The following FAM81A variants were observed in gnomAD, a reference collection of about 807,000 sequenced individuals.
The protein encoded by FAM81A is family with sequence similarity 81 member A.
A neutral mutation model predicts 46.7 loss-of-function variants in FAM81A; 19 were observed. The observed-to-expected ratio is 0.41, with a 90% CI of 0.28 to 0.60. FAM81A has a LOEUF of 0.60. Among genes scored for constraint, FAM81A ranks in the 20% least tolerant of loss-of-function variants. FAM81A has a pLI of 0.34. For synonymous variants in FAM81A, 183 were observed against 152.9 expected, an observed-to-expected ratio of 1.20 and a Z score of -1.45; for missense variants, 377 against 453.5, an observed-to-expected ratio of 0.83 and a Z score of 1.53.
At chr15:59,494,989 C>T (rs2082019003) in intron 4 of FAM81A, among the ~76,000 whole-genome samples, 1 of 152,112 alleles carries the variant, frequency 6.6e-6, no homozygotes, top group Non-Finnish European at 1.5e-5. Flanking sequence ...GACCTGAAGG[C>T]CCGATACATA....
chr15:59,445,903 C>T (rs1296967557), intron 1 of FAM81A, among the ~76,000 whole-genome samples: 1 of 152,172 alleles, frequency 6.6e-6, no homozygotes, highest in Non-Finnish European at 1.5e-5. Flanking sequence ...CATAATAAAA[C>T]ACCCTAAAAG....
At chr15:59,422,059 A>G (rs1459428790) in intron 2 of FAM81A, among the ~76,000 whole-genome samples, 2 of 152,068 alleles carry the variant, frequency 1.3e-5, no homozygotes, top group African/African-American at 4.8e-5. Flanking sequence ...ATTGAGGTGA[A>G]ATTTCACATA....
At chr15:59,428,413 A>ATATTATTATTAT (rs143696862) in intron 2 of FAM81A, among the ~76,000 whole-genome samples, 4 of 140,720 alleles carry the variant, frequency 2.8e-5, no homozygotes, top group African/African-American at 1.1e-4. Flanking sequence ...ATTCTTTTTG[A>ATATTATTATTAT]TATTATTATT....
In FAM81A at chr15:59,514,755, C is replaced by A. The variant is rs575499986; in HGVS notation, c.786+331C>A. Among the ~76,000 whole-genome samples the A allele has an allele frequency of 2.6e-5, 4 of 152,268 alleles. No individual in the cohort carries two copies. The East Asian group carries it at 7.7e-4, about 29-fold the overall frequency. ...ACTTCATTCTTGTTTGTTTTAATTT[C>A]TTGATCTGGGTTTGCTTTTTTGCCT... is the stretch of plus-strand genomic sequence containing the variant. On this transcript the variant is annotated intron_variant, in intron 7 of 8. Transcript: ENST00000288228.
At chr15:59,405,346 C>T (rs1208339592) in intron 2 of FAM81A, among the ~76,000 whole-genome samples, 1 of 151,968 alleles carries the variant, frequency 6.6e-6, no homozygotes, top group Non-Finnish European at 1.5e-5. Context: ...ATGCCTCTTT[C>T]CGCTAAGAAT....
rs951738378 is a variant in FAM81A at position 59,460,729 on chromosome 15, T to C, written c.294+523T>C. 4.1e-5 allele frequency: 8 copies of C among 194,810 alleles called. No individual in the cohort carries two copies. The highest frequency in any genetic ancestry group is 1.3e-4 in the East Asian group (1 of 7,532). The allele number at this position is 194,810 out of a possible 1,614,324, so 12.1% of individuals were successfully genotyped here. A position where few individuals can be genotyped will look rare whatever the true frequency, so the allele number is the denominator to read the frequency against. On this transcript the variant is annotated intron_variant, in intron 3 of 8. Coordinates refer to ENST00000288228, the MANE Select transcript of FAM81A (RefSeq NM_152450.3). The surrounding 1 kb of genome is among the most constrained non-coding windows in gnomAD (Gnocchi z 4.4). ...ACCAATAAAAGGCCAATATTGTCTATTTTTAGAATTGGTAGATTTACTGCT... is the reference window on the plus strand; with the variant it reads ...ACCAATAAAAGGCCAATATTGTCTACTTTTAGAATTGGTAGATTTACTGCT...
chr15:59,401,559 T>G (rs1307767563), intron 1 of FAM81A: 6 of 774,632 alleles, frequency 7.7e-6, no homozygotes, highest in Non-Finnish European at 1.2e-5. Flanking sequence ...GTAACCACCC[T>G]CTTCCATGCC....
chr15:59,401,426 A>G, intron 1 of FAM81A: 1 of 804,594 alleles, frequency 1.2e-6, no homozygotes, highest in Non-Finnish European at 2.3e-6. Context: ...TGGTAGGCAA[A>G]AGGTGACTTT....
intron 1 of FAM81A, among the ~76,000 whole-genome samples, chr15:59,440,894 C>T (rs1426321785): frequency 2.0e-5 from 3 of 152,122 alleles, no homozygotes; most frequent in Non-Finnish European, 2.9e-5. Context: ...CCCCCGCTTG[C>T]CTGCTTATTC....
intron 7 of FAM81A, among the ~76,000 whole-genome samples, chr15:59,516,211 C>T (rs1175766915): frequency 6.0e-5 from 9 of 150,846 alleles, no homozygotes; most frequent in South Asian, 2.1e-4. Flanking sequence ...ACTGCAACCT[C>T]GCCTCCCCTG....
intron 1 of FAM81A, among the ~76,000 whole-genome samples, chr15:59,457,199 A>G (rs1415496484): frequency 6.6e-6 from 1 of 152,220 alleles, no homozygotes; most frequent in East Asian, 1.9e-4. Flanking sequence ...TAAACAATTC[A>G]TAAGTTTTAA....
At chr15:59,506,972 C>T (rs960906814) in intron 4 of FAM81A, among the ~76,000 whole-genome samples, 13 of 152,138 alleles carry the variant, frequency 8.5e-5, no homozygotes, top group African/African-American at 3.1e-4. Flanking sequence ...TACTCATGAT[C>T]GTTGGAAAGA....
chr15:59,486,920 T>C (rs2081923450), intron 3 of FAM81A, among the ~76,000 whole-genome samples: 1 of 152,002 alleles, frequency 6.6e-6, no homozygotes, highest in African/African-American at 2.4e-5. Flanking sequence ...AGAATGTTAA[T>C]GAGCAATAAG....
At chr15:59,433,736 G>A (rs572046391), upstream of FAM81A, among the ~76,000 whole-genome samples, 1 of 152,334 alleles carries the variant, frequency 6.6e-6, no homozygotes, top group African/African-American at 2.4e-5. Flanking sequence ...GACGTATTGT[G>A]TTAATTGGTT....
chr15:59,415,008 G>C (rs1384949052), intron 2 of FAM81A, among the ~76,000 whole-genome samples: 2 of 151,720 alleles, frequency 1.3e-5, no homozygotes, highest in Non-Finnish European at 2.9e-5. Flanking sequence ...AGTAGAGATG[G>C]GTTTTCACTG....
chr15:59,485,560 C>T (rs1045100207), intron 3 of FAM81A, among the ~76,000 whole-genome samples: 1 of 152,216 alleles, frequency 6.6e-6, no homozygotes, highest in Non-Finnish European at 1.5e-5. Context: ...TGTTATTGGG[C>T]TTGGGGTACC....
intron 2 of FAM81A, among the ~76,000 whole-genome samples, chr15:59,409,575 G>T (rs1165356661): frequency 6.6e-5 from 10 of 152,062 alleles, no homozygotes; most frequent in Non-Finnish European, 1.5e-4. Context: ...TTTCCCCACA[G>T]ATCACTCACC....
At chr15:59,512,643 A>T (rs2141832245) in intron 6 of FAM81A, among the ~76,000 whole-genome samples, 1 of 152,248 alleles carries the variant, frequency 6.6e-6, no homozygotes, top group South Asian at 2.1e-4. Flanking sequence ...GCAGTGTTCC[A>T]TGTCTTACCT....
At chr15:59,495,250 G>GATTTCCCT (rs2082021764) in intron 4 of FAM81A, among the ~76,000 whole-genome samples, 1 of 152,130 alleles carries the variant, frequency 6.6e-6, no homozygotes, top group Admixed American at 6.5e-5. Flanking sequence ...CTGTCTGATG[G>GATTTCCCT]ATTTCCCTCT....
Sources: gnomAD v4.1 joint callset for allele counts (sites outside exome capture counted in the v4.1 genomes callset) on GRCh38, gnomAD v4.1.1 for gene constraint, Gnocchi (gnomAD v3.1) non-coding constraint, MANE v1.5 for transcripts, NCBI Gene and HGNC (gene_info 2026-07-23, HGNC 2026-07-21) for gene names.